Variants in ADAMTS2 observed in about 807,000 individuals in gnomAD.
ADAMTS2 encodes A disintegrin and metalloproteinase with thrombospondin motifs 2.
A neutral mutation model predicts 123.0 loss-of-function variants in ADAMTS2; 50 were observed. The observed-to-expected ratio is 0.41, with a 90% CI of 0.32 to 0.51. The LOEUF (loss-of-function observed/expected upper bound fraction) is 0.51. ADAMTS2 is among the 20% of genes least tolerant of loss of function. The pLI, the probability that ADAMTS2 is intolerant of heterozygous loss-of-function variation, is 0.35. For synonymous variants in ADAMTS2, 678 were observed against 695.4 expected (o/e 0.98, Z 0.39); for missense variants, 1,494 against 1,705.2 (o/e 0.88, Z 2.18).
chr5:179,150,531 C>T lies in ADAMTS2; in HGVS notation c.1629+1611G>A, dbSNP rs1318434776. On this transcript the variant is annotated intron_variant, in intron 10 of 21. Transcript: ENST00000251582. ...GGTGGAAACCAACCAAATGTCCCTC[C>T]GTGGAGAAACGGATACACCAAATGT... Among the ~76,000 whole-genome samples, 5 of 152,136 alleles carry T rather than the reference C, an allele frequency of 3.3e-5. 1 individual carries two copies. Among genetic ancestry groups the T allele is most frequent in the South Asian group, 4.1e-4 (2 of 4,826 alleles).
chr5:179,321,733 C>T (rs945751880), intron 2 of ADAMTS2, among the ~76,000 whole-genome samples: 3 of 151,284 alleles, frequency 2.0e-5, no homozygotes, highest in African/African-American at 7.3e-5. Flanking sequence ...CCTGCATTTC[C>T]AGCTGCCAGA....
chr5:179,153,381 C>A, intron 9 of ADAMTS2, 110 bp downstream of exon 9: 1 of 1,536,286 alleles, frequency 6.5e-7, no homozygotes, highest in Non-Finnish European at 8.8e-7. Context: ...GAGGGCCGCT[C>A]TGCCCTCCCC....
intron 2 of ADAMTS2, among the ~76,000 whole-genome samples, chr5:179,280,339 G>A: frequency 6.6e-6 from 1 of 152,206 alleles, no homozygotes; most frequent in East Asian, 1.9e-4. Flanking sequence ...ACTGGACGCT[G>A]AGCCAGGGGC....
rs117187367 is a variant in ADAMTS2, at chr5:179,113,997, C to A, written c.3506G>T (p.Gly1169Val). 5.3e-4 allele frequency: 851 copies of A among 1,614,042 alleles called. 10 individuals carry two copies. In the East Asian group the frequency reaches 0.016, roughly 30 times the overall value. The change falls in exon 22 of 22, where the codon GGC becomes GTC. Residue 1169 changes from glycine (G) to valine (V), a missense_variant. Gly to Val is a moderately radical substitution (Grantham distance 109). This residue lies in a region of ADAMTS2 where 953 missense variants were observed against 1,124.7 expected (regional missense o/e 0.85). Coordinates refer to ENST00000251582, the MANE Select transcript of ADAMTS2 (RefSeq NM_014244.5). ...NAVDEPYKIH[G>V]LEDEVQPPNL... ...GGGTGGCTGGACTTCATCTTCCAGG[C>A]CATGGATTTTGTAGGGTTCATCTAC...
intron 4 of ADAMTS2, among the ~76,000 whole-genome samples, chr5:179,203,451 C>T (rs540682395): frequency 2.3e-4 from 35 of 152,334 alleles, no homozygotes; most frequent in African/African-American, 7.2e-4. Flanking sequence ...CACGGGGAGC[C>T]CTGTGACCAG....
At chr5:179,150,424 T>C (rs1317188215) in intron 10 of ADAMTS2, among the ~76,000 whole-genome samples, 1 of 152,294 alleles carries the variant, frequency 6.6e-6, no homozygotes, top group East Asian at 1.9e-4. Flanking sequence ...TCTGGGCACA[T>C]CTTAAAAACA....
intron 4 of ADAMTS2, among the ~76,000 whole-genome samples, chr5:179,198,920 A>T (rs1764494195): frequency 6.6e-6 from 1 of 151,724 alleles, no homozygotes; most frequent in Non-Finnish European, 1.5e-5. Flanking sequence ...CTCAGCACAC[A>T]CCCAGTGCCC....
chr5:179,218,694 G>A lies in ADAMTS2; in HGVS notation c.689-10979C>T, dbSNP rs1018679174. Among the ~76,000 whole-genome samples the A allele has an allele frequency of 3.3e-5, 5 of 152,332 alleles. No homozygotes were observed. In the East Asian group the frequency reaches 7.7e-4, roughly 24 times the overall value. ...GGCCATCAGGAGCGCATCAGGAACC[G>A]CTGTGCCGAATCTCAGGGGCAGTCC... is the stretch of plus-strand genomic sequence containing the variant. On this transcript the variant is annotated intron_variant, in intron 3 of 21. Coordinates refer to ENST00000251582, the MANE Select transcript of ADAMTS2 (RefSeq NM_014244.5).
At chr5:179,321,839 T>C (rs997406604) in intron 2 of ADAMTS2, among the ~76,000 whole-genome samples, 3 of 152,056 alleles carry the variant, frequency 2.0e-5, no homozygotes, top group African/African-American at 4.8e-5. Flanking sequence ...GGGGAGTGCT[T>C]TTCCTCAGCC....
In ADAMTS2 at chr5:179,180,652, C is replaced by T. The variant is rs992813437; in HGVS notation, c.975+420G>A. ...TACCCAGAAAACTAACTCAGGACCG[C>T]TCCACTCCCCAGAGCCCACTGGAAT... On this transcript the variant is annotated intron_variant, in intron 5 of 21. Coordinates refer to ENST00000251582, the MANE Select transcript of ADAMTS2 (RefSeq NM_014244.5). This position sits in a 1 kb window ranked among gnomAD's most constrained non-coding sequence, Gnocchi z 4.6. Among the ~76,000 whole-genome samples, 1 of 152,130 alleles carries T rather than the reference C, an allele frequency of 6.6e-6. No homozygotes were observed. Among genetic ancestry groups the T allele is most frequent in the African/African-American group, 2.4e-5 (1 of 41,424 alleles).
At chr5:179,229,895 G>A (rs1024797888) in intron 3 of ADAMTS2, among the ~76,000 whole-genome samples, 1 of 152,086 alleles carries the variant, frequency 6.6e-6, no homozygotes, top group Non-Finnish European at 1.5e-5. Context: ...TCAGCTGGCC[G>A]GACAGGCCTC....
rs2113309788 is a variant in ADAMTS2 at position 179,180,120 on chromosome 5, T to A, written c.975+952A>T. On this transcript the variant is annotated intron_variant, in intron 5 of 21. Coordinates refer to ENST00000251582, the MANE Select transcript of ADAMTS2 (RefSeq NM_014244.5). This position sits in a 1 kb window ranked among gnomAD's most constrained non-coding sequence, Gnocchi z 4.6. ...GCACCCCTCCATCTGCCCTGTAGAT[T>A]AAGGGCATTCATCCATACAAAGTGC... Among the ~76,000 whole-genome samples the A allele has an allele frequency of 6.6e-6, 1 of 152,254 alleles. No individual in the cohort carries two copies. Among genetic ancestry groups the A allele is most frequent in the African/African-American group, 2.4e-5 (1 of 41,532 alleles).
rs1765692041 is a variant in ADAMTS2 at position 179,242,503 on chromosome 5, T to G, written c.688+30408A>C. Among the ~76,000 whole-genome samples the G allele has an allele frequency of 6.6e-6, 1 of 152,202 alleles. No individual in the cohort carries two copies. Among genetic ancestry groups the G allele is most frequent in the Admixed American group, 6.5e-5 (1 of 15,282 alleles). ...GAACAACCATAACTGGTGAAAAGTATTGAAAAGTCACCATCAACAACAATT... is the reference window on the plus strand; with the variant it reads ...GAACAACCATAACTGGTGAAAAGTAGTGAAAAGTCACCATCAACAACAATT... On this transcript the variant is annotated intron_variant, in intron 3 of 21. Transcript: ENST00000251582. The surrounding 1 kb of genome is among the most constrained non-coding windows in gnomAD (Gnocchi z 4.2).
At chr5:179,326,557 G>C (rs1010443186) in intron 2 of ADAMTS2, among the ~76,000 whole-genome samples, 1 of 137,452 alleles carries the variant, frequency 7.3e-6, no homozygotes, top group African/African-American at 2.7e-5. Context: ...ATCTGCACCT[G>C]GCTCCGTGTG....
intron 3 of ADAMTS2, among the ~76,000 whole-genome samples, chr5:179,216,753 C>T (rs1006281317): frequency 5.3e-5 from 8 of 152,230 alleles, no homozygotes; most frequent in Admixed American, 1.3e-4. Flanking sequence ...TAATATTAAT[C>T]GTCTTTGATA....
chr5:179,246,876 A>T (rs1765811749), intron 3 of ADAMTS2, among the ~76,000 whole-genome samples: 1 of 152,212 alleles, frequency 6.6e-6, no homozygotes, highest in African/African-American at 2.4e-5. Context: ...AAAAATCACT[A>T]AACAAACAAG....
At position 179,225,499 on chromosome 5, in the gene ADAMTS2, C is replaced by T. The variant is rs7717786; in HGVS notation, c.689-17784G>A. 0.041 allele frequency among the ~76,000 whole-genome samples: 6,280 copies of T among 152,272 alleles called. 389 individuals carry two copies. Among genetic ancestry groups the T allele is most frequent in the African/African-American group, 0.14 (5,615 of 41,514 alleles). On this transcript the variant is annotated intron_variant, in intron 3 of 21. Transcript: ENST00000251582. The surrounding 1 kb of genome is among the most constrained non-coding windows in gnomAD (Gnocchi z 4.5). Reference sequence around the variant, plus strand: ...AGACCACCCTGGTCCACCATGTCCCCATCCTGTGCCTATAAAAACCCGAGA... The same window carrying T: ...AGACCACCCTGGTCCACCATGTCCCTATCCTGTGCCTATAAAAACCCGAGA...
chr5:179,153,275 G>T (rs934653675), intron 9 of ADAMTS2, among the ~76,000 whole-genome samples: 1 of 152,162 alleles, frequency 6.6e-6, no homozygotes, highest in Non-Finnish European at 1.5e-5. Context: ...TCCCCCGTGT[G>T]CTTCCTGCCT....
chr5:179,328,119 G>A (rs1476039773), intron 2 of ADAMTS2, among the ~76,000 whole-genome samples: 13 of 152,216 alleles, frequency 8.5e-5, no homozygotes, highest in Non-Finnish European at 1.6e-4. Flanking sequence ...TGCAGGCTCC[G>A]CCTCCCGGGT....
Sources: gnomAD v4.1 joint callset for allele counts (sites outside exome capture counted in the v4.1 genomes callset) on GRCh38, gnomAD v4.1.1 for gene constraint, gnomAD v4.1.1 regional missense constraint, Gnocchi (gnomAD v3.1) non-coding constraint, MANE v1.5 for transcripts, NCBI Gene and HGNC (gene_info 2026-07-23, HGNC 2026-07-21) for gene names.